Variants in RAD51B observed in about 807,000 individuals in gnomAD.
RAD51B encodes RAD51 paralog B, also known as DNA repair protein RAD51 homolog 2.
RAD51B carries 38 observed loss-of-function variants against 42.2 expected under a neutral mutation model. That is an observed-to-expected ratio of 0.90 (90% CI 0.70 to 1.18). The LOEUF is 1.18. Among genes scored for constraint, RAD51B ranks in the 50% most tolerant of loss-of-function variants. RAD51B has a pLI of 0.00. For missense variants in RAD51B, 373 were observed against 400.7 expected (o/e 0.93, Z 0.59); for synonymous variants, 154 against 145.2 (o/e 1.06, Z -0.43).
chr14:68,172,349 G>A (rs966704351), intron 7 of RAD51B, among the ~76,000 whole-genome samples: 1 of 152,194 alleles, frequency 6.6e-6, no homozygotes, highest in African/African-American at 2.4e-5. Context: ...ATTGCAAAAT[G>A]TAAACAGAGC....
chr14:67,932,394 G>A (rs1004591729), intron 7 of RAD51B, among the ~76,000 whole-genome samples: 6 of 152,184 alleles, frequency 3.9e-5, no homozygotes, highest in African/African-American at 7.2e-5. Context: ...AGTGAAGTTT[G>A]GTGGGACAGG....
chr14:68,413,676 G>A (rs569916878), intron 9 of RAD51B, among the ~76,000 whole-genome samples: 2 of 152,196 alleles, frequency 1.3e-5, no homozygotes, highest in East Asian at 3.9e-4. Flanking sequence ...CTTAGCAGAG[G>A]GTGTGCTTAG....
In RAD51B at chr14:68,331,447, A is replaced by T. The variant is rs559971471; in HGVS notation, c.853+39467A>T. The stretch of plus-strand genomic sequence containing the variant: ...TATACTTATTTAAAACTTAAAGTTT[A>T]AAAAAAAAAAAGTCCATATGTTGCT... On this transcript the variant is annotated intron_variant, in intron 8 of 10. Transcript: ENST00000471583. Among the ~76,000 whole-genome samples the T allele has an allele frequency of 1.1e-4, 15 of 131,054 alleles. No homozygotes were observed. The South Asian group carries it at 2.5e-3, about 22-fold the overall frequency. The allele number at this position is 131,054 out of a possible 152,430, so 86.0% of individuals were successfully genotyped here.
At chr14:68,185,430 C>T (rs1031182048) in intron 7 of RAD51B, among the ~76,000 whole-genome samples, 2 of 152,008 alleles carry the variant, frequency 1.3e-5, no homozygotes, top group African/African-American at 4.8e-5. Flanking sequence ...ATCTATTTGT[C>T]GCAAAGACAA....
chr14:68,092,326 C>T (rs2077114718), intron 7 of RAD51B, among the ~76,000 whole-genome samples: 1 of 152,146 alleles, frequency 6.6e-6, no homozygotes, highest in South Asian at 2.1e-4. Flanking sequence ...TCTTCCTATC[C>T]ATCAGCATGG....
In RAD51B at chr14:68,462,672, C is replaced by T. The variant is rs934099763; in HGVS notation, c.958-5500C>T. ...TCCCAAAGTGCTGAGATTACAGGCCCGACACCTCCAAAGAATTTTAAAATA... is the reference window on the plus strand; with the variant it reads ...TCCCAAAGTGCTGAGATTACAGGCCTGACACCTCCAAAGAATTTTAAAATA... On this transcript the variant is annotated intron_variant, in intron 9 of 10. Transcript: ENST00000471583. 2.0e-5 allele frequency among the ~76,000 whole-genome samples: 3 copies of T among 152,046 alleles called. 1 individual carries two copies. The highest frequency in any genetic ancestry group is 4.1e-4 in the South Asian group (2 of 4,826).
At chr14:68,443,653 C>G (rs983095006) in intron 9 of RAD51B, among the ~76,000 whole-genome samples, 3 of 151,936 alleles carry the variant, frequency 2.0e-5, no homozygotes, top group African/African-American at 2.4e-5. Flanking sequence ...TTCAAATGCT[C>G]AAAACCAAGA....
chr14:68,260,311 G>GTA (rs2080857840), intron 7 of RAD51B, among the ~76,000 whole-genome samples: 1 of 146,424 alleles, frequency 6.8e-6, no homozygotes, highest in African/African-American at 2.7e-5. Context: ...GTGTGTGTGT[G>GTA]TGTGTGTGGA....
intron 8 of RAD51B, among the ~76,000 whole-genome samples, chr14:68,368,614 C>T (rs2083190299): frequency 6.6e-6 from 1 of 152,124 alleles, no homozygotes; most frequent in Admixed American, 6.5e-5. Flanking sequence ...GCTCAGCAGC[C>T]GCTCCCATAT....
intron 10 of RAD51B, among the ~76,000 whole-genome samples, chr14:68,637,359 A>G (rs59980611): frequency 0.053 from 8,100 of 152,274 alleles, 710 homozygotes; most frequent in African/African-American, 0.18. Context: ...GATTGCAAGC[A>G]TGAGCCACCT....
chr14:68,592,621 G>A (rs761472854), intron 10 of RAD51B, among the ~76,000 whole-genome samples: 25 of 152,290 alleles, frequency 1.6e-4, no homozygotes, highest in African/African-American at 3.4e-4. Flanking sequence ...CTTCTGCCAC[G>A]TATCATAGAA....
At chr14:68,122,549 A>G (rs747909313) in intron 7 of RAD51B, among the ~76,000 whole-genome samples, 4 of 152,226 alleles carry the variant, frequency 2.6e-5, no homozygotes, top group East Asian at 1.9e-4. Flanking sequence ...AAAACTGGCT[A>G]TAAAGGGTTT....
intron 7 of RAD51B, among the ~76,000 whole-genome samples, chr14:67,915,559 T>C (rs1186086227): frequency 1.3e-5 from 2 of 152,196 alleles, no homozygotes; most frequent in African/African-American, 4.8e-5. Context: ...GAAGATAGCA[T>C]GAGGATCTTG....
At position 68,526,965 on chromosome 14, in the gene RAD51B, G is replaced by A. The variant is rs17105780; in HGVS notation, c.1036+58715G>A. 5.6e-3 allele frequency among the ~76,000 whole-genome samples: 856 copies of A among 152,316 alleles called. 22 individuals carry two copies. The East Asian group carries it at 0.062, about 11-fold the overall frequency. On this transcript the variant is annotated intron_variant, in intron 10 of 10. Transcript: ENST00000487270. ...GGCCAGCCTGCCCTGACAACAGTGC[G>A]GCCTGAATCTGTGACTCTTAGCGGC...
intron 8 of RAD51B, among the ~76,000 whole-genome samples, chr14:68,394,060 G>A (rs1010965980): frequency 2.6e-5 from 4 of 152,148 alleles, no homozygotes; most frequent in Non-Finnish European, 5.9e-5. Context: ...CTCTTTAGTC[G>A]GCAGGAGCAG....
At chr14:68,404,344 A>G (rs144947960) in intron 8 of RAD51B, among the ~76,000 whole-genome samples, 34 of 152,332 alleles carry the variant, frequency 2.2e-4, no homozygotes, top group African/African-American at 8.2e-4. Flanking sequence ...AGGTTCACTT[A>G]TCTGTTTCCT....
At chr14:67,985,247 C>T (rs982960555) in intron 7 of RAD51B, among the ~76,000 whole-genome samples, 1 of 152,176 alleles carries the variant, frequency 6.6e-6, no homozygotes, top group African/African-American at 2.4e-5. Context: ...TATTACTATA[C>T]TTTTGTTCTG....
At chr14:68,184,608 T>TAAA (rs748047329) in intron 7 of RAD51B, among the ~76,000 whole-genome samples, 26 of 21,458 alleles carry the variant, frequency 1.2e-3, no homozygotes, top group South Asian at 2.3e-3. Flanking sequence ...AGGCCCTGTC[T>TAAA]AAAAAAAAAA....
At position 67,868,511 on chromosome 14, in the gene RAD51B, G is replaced by T. The variant is rs552591549; in HGVS notation, c.452+3372G>T. Among the ~76,000 whole-genome samples, 44 of 151,238 alleles carry T rather than the reference G, an allele frequency of 2.9e-4. 1 individual carries two copies. The highest frequency in any genetic ancestry group is 1.7e-3 in the Admixed American group (26 of 15,208). Reference sequence around the variant, plus strand: ...CAAGGCGGCAGCGAGGCTCAGGGAGGGGCACCCGCCATTGCCCAGGCTTGC... The same window carrying T: ...CAAGGCGGCAGCGAGGCTCAGGGAGTGGCACCCGCCATTGCCCAGGCTTGC... On this transcript the variant is annotated intron_variant, in intron 5 of 10. Coordinates refer to ENST00000471583, the MANE Select transcript of RAD51B (RefSeq NM_133510.4).
Sources: allele counts gnomAD v4.1 joint callset (sites outside exome capture counted in the v4.1 genomes callset), GRCh38; gene constraint gnomAD v4.1.1; transcripts MANE v1.5; gene names NCBI Gene and HGNC (gene_info 2026-07-23, HGNC 2026-07-21).